The following KAZN variants were observed in gnomAD, a reference collection of about 807,000 sequenced individuals.
KAZN encodes kazrin, periplakin interacting protein.
KAZN carries 40 observed loss-of-function variants against 87.4 expected under a neutral mutation model. That is an observed-to-expected ratio of 0.46 (90% CI 0.36 to 0.60). The LOEUF (loss-of-function observed/expected upper bound fraction) is 0.60. KAZN is among the 20% of genes least tolerant of loss of function. The pLI, the probability that KAZN is intolerant of heterozygous loss-of-function variation, is 0.00. For synonymous variants in KAZN, 466 were observed against 458.3 expected (o/e 1.02, Z -0.22); for missense variants, 898 against 1,073.9 (o/e 0.84, Z 2.29).
chr1:14,305,153 A>G (rs944656226), intron 2 of KAZN, among the ~76,000 whole-genome samples: 1 of 152,074 alleles, frequency 6.6e-6, no homozygotes, highest in Non-Finnish European at 1.5e-5. Flanking sequence ...CAGCATTCCT[A>G]GCTAGAAAAT....
At chr1:14,902,694 G>A (rs547769058) in intron 1 of KAZN, among the ~76,000 whole-genome samples, 8 of 152,254 alleles carry the variant, frequency 5.3e-5, no homozygotes, top group African/African-American at 1.7e-4. Context: ...AACTCAGTGA[G>A]AGGGGTGGGA....
chr1:14,773,242 C>T lies in KAZN; in HGVS notation c.226+174019C>T, dbSNP rs1645071207. 6.6e-6 allele frequency among the ~76,000 whole-genome samples: 1 copy of T among 152,128 alleles called. No individual in the cohort carries two copies. ...CAACACTTCCGGAAGAGATCTGATA[C>T]TGAGATCCCGCTAGTCATGGGGTGA... On this transcript the variant is annotated intron_variant, in intron 1 of 14. Transcript: ENST00000376030. This position sits in a 1 kb window ranked among gnomAD's most constrained non-coding sequence, Gnocchi z 5.9.
intron 1 of KAZN, among the ~76,000 whole-genome samples, chr1:14,620,467 G>C (rs528558495): frequency 6.6e-6 from 1 of 152,172 alleles, no homozygotes; most frequent in Non-Finnish European, 1.5e-5. Flanking sequence ...TTCTCTGGGT[G>C]GCAAGAAGCT....
chr1:14,763,478 T>C (rs1321480250), intron 1 of KAZN, among the ~76,000 whole-genome samples: 1 of 152,176 alleles, frequency 6.6e-6, no homozygotes, highest in Admixed American at 6.5e-5. Context: ...AGCTACACCA[T>C]AGGAGAGAAC....
chr1:14,253,883 C>T (rs1273438492), intron 2 of KAZN, among the ~76,000 whole-genome samples: 2 of 146,622 alleles, frequency 1.4e-5, no homozygotes, highest in African/African-American at 5.1e-5. Context: ...CATTATCAAT[C>T]ACTGAATGCT....
chr1:14,398,229 G>A (rs529253273), intron 2 of KAZN, among the ~76,000 whole-genome samples: 24 of 152,320 alleles, frequency 1.6e-4, no homozygotes, highest in African/African-American at 4.1e-4. Context: ...TATGGCTACC[G>A]AATAGTCACT....
rs186540331 is a variant in KAZN, at chr1:14,858,589, A to G, written c.227-102095A>G. On this transcript the variant is annotated intron_variant, in intron 1 of 14. Coordinates refer to ENST00000376030, the MANE Select transcript of KAZN (RefSeq NM_201628.3). ...TTTCCACCTTTTGGCTGTCGTGAAT[A>G]ATGCAGCTGGGAACATTCATGTACA... Among the ~76,000 whole-genome samples the G allele has an allele frequency of 2.7e-3, 409 of 152,328 alleles. 3 individuals carry two copies. Among genetic ancestry groups the G allele is most frequent in the Non-Finnish European group, 4.8e-3 (325 of 68,020 alleles).
At chr1:15,017,834 A>G (rs1300985765) in intron 2 of KAZN, among the ~76,000 whole-genome samples, 1 of 151,726 alleles carries the variant, frequency 6.6e-6, no homozygotes, top group Non-Finnish European at 1.5e-5. Flanking sequence ...ATTCTGGGGG[A>G]TACCCCGATG....
chr1:14,768,418 G>A (rs984693617), intron 1 of KAZN, among the ~76,000 whole-genome samples: 7 of 152,252 alleles, frequency 4.6e-5, no homozygotes, highest in African/African-American at 1.7e-4. Flanking sequence ...GTGTGGAAAC[G>A]GAGGCTTGGA....
At chr1:13,975,510 G>C (rs1638305945) in intron 1 of KAZN, among the ~76,000 whole-genome samples, 1 of 152,134 alleles carries the variant, frequency 6.6e-6, no homozygotes, top group African/African-American at 2.4e-5. Context: ...AACACAATTG[G>C]ACTTTCTCTA....
chr1:13,998,893 C>A (rs1235883112), intron 1 of KAZN, among the ~76,000 whole-genome samples: 2 of 151,836 alleles, frequency 1.3e-5, no homozygotes, highest in Non-Finnish European at 2.9e-5. Flanking sequence ...AACTCTCCAC[C>A]ACAAATCAAC....
chr1:14,297,308 C>G (rs751915765), intron 2 of KAZN, among the ~76,000 whole-genome samples: 1 of 152,176 alleles, frequency 6.6e-6, no homozygotes, highest in African/African-American at 2.4e-5. Flanking sequence ...GCCAGAAAAA[C>G]AGCAAAAGGG....
At chr1:14,813,509 C>T (rs932611430) in intron 1 of KAZN, among the ~76,000 whole-genome samples, 1 of 152,160 alleles carries the variant, frequency 6.6e-6, no homozygotes. Context: ...ATCCTGGAAG[C>T]GGATCTTCTG....
intron 2 of KAZN, among the ~76,000 whole-genome samples, chr1:14,256,353 C>T (rs904032123): frequency 3.3e-5 from 5 of 151,974 alleles, no homozygotes; most frequent in Admixed American, 6.6e-5. Context: ...TACCCACCCC[C>T]GCAACTTCTA....
chr1:14,108,122 A>G (rs1244494004), intron 1 of KAZN, among the ~76,000 whole-genome samples: 2 of 152,044 alleles, frequency 1.3e-5, no homozygotes, highest in Non-Finnish European at 2.9e-5. Flanking sequence ...CGTGGCCTCC[A>G]GGTCACTGAG....
intron 1 of KAZN, among the ~76,000 whole-genome samples, chr1:14,626,328 C>A (rs989920576): frequency 6.6e-6 from 1 of 152,224 alleles, no homozygotes; most frequent in Non-Finnish European, 1.5e-5. Flanking sequence ...CAGCCATTAG[C>A]TGGTAAAGCT....
At chr1:14,767,979 G>A (rs1285610453) in intron 1 of KAZN, among the ~76,000 whole-genome samples, 1 of 152,124 alleles carries the variant, frequency 6.6e-6, no homozygotes, top group Admixed American at 6.5e-5. Context: ...TCAAACTAAG[G>A]GCCAGGTTCA....
intron 1 of KAZN, among the ~76,000 whole-genome samples, chr1:13,942,546 CAAAAAAA>C: frequency 1.4e-5 from 1 of 70,828 alleles, no homozygotes; most frequent in East Asian, 3.7e-4. Context: ...GACTCCGTCT[CAAAAAAA>C]AAAAAAAAAA....
chr1:14,119,725 A>G (rs77826294), intron 1 of KAZN, among the ~76,000 whole-genome samples: 1 of 152,118 alleles, frequency 6.6e-6, no homozygotes, highest in Non-Finnish European at 1.5e-5. Flanking sequence ...ACTCAAGGAA[A>G]ACATTCCTCT....
Sources: allele counts gnomAD v4.1 joint callset (sites outside exome capture counted in the v4.1 genomes callset), GRCh38; gene constraint gnomAD v4.1.1; non-coding constraint Gnocchi (gnomAD v3.1); transcripts MANE v1.5; gene names NCBI Gene and HGNC (gene_info 2026-07-23, HGNC 2026-07-21).